NSD3: variants seen among roughly 807,000 people sequenced by gnomAD.
NSD3 encodes the protein nuclear receptor binding SET domain protein 3, also known as histone-lysine N-methyltransferase NSD3.
A neutral mutation model predicts 160.8 loss-of-function variants in NSD3; 24 were observed. The observed-to-expected ratio is 0.15, with a 90% CI of 0.11 to 0.21. NSD3 has a LOEUF of 0.21. NSD3 is among the 10% of genes least tolerant of loss of function. The probability of loss-of-function intolerance (pLI) is 1.00; values close to 1 mark genes in which losing one functional copy is unlikely to be tolerated. For synonymous variants in NSD3, 520 were observed against 600.0 expected, an observed-to-expected ratio of 0.87 and a Z score of 1.95; for missense variants, 1,157 against 1,735.9, an observed-to-expected ratio of 0.67 and a Z score of 5.93.
At position 38,326,870 on chromosome 8, in the gene NSD3, C is replaced by T. The variant is rs1376568583; in HGVS notation, c.1582-14G>A. The stretch of plus-strand genomic sequence containing the variant: ...GTTACCAATTCCCTTTAAAATAAGG[C>T]AAAAGAAAAAACAACAAAACAGGTG... On this transcript the variant is annotated splice_polypyrimidine_tract_variant and intron_variant, in intron 6 of 23. Transcript: ENST00000317025. 6.2e-7 allele frequency: 1 copy of T among 1,610,882 alleles called. No homozygotes were observed. Among genetic ancestry groups the T allele is most frequent in the African/African-American group, 1.3e-5 (1 of 74,580 alleles).
intron 16 of NSD3, 69 bp from the exon 17 acceptor site, chr8:38,290,746 G>T: frequency 6.5e-7 from 1 of 1,530,854 alleles, no homozygotes; most frequent in Non-Finnish European, 8.9e-7. Context: ...TACAAGATTG[G>T]CAGAAGGGAA....
chr8:38,304,723 G>A lies in NSD3; in HGVS notation c.2475C>T (p.Ala825=). ...RMMRCLRCPV[A]YHSGDACIAA... ...CAATGCAAGCATCTCCAGAGTGATA[G>A]GCAACTGGACATCTTAAACATCTCA... is the stretch of plus-strand genomic sequence containing the variant. Residue 825 remains alanine, a synonymous_variant, in exon 14 of 24, where the codon GCC becomes GCT. Coordinates refer to ENST00000317025, the MANE Select transcript of NSD3 (RefSeq NM_023034.2). 1 of 1,613,338 alleles carries A rather than the reference G, an allele frequency of 6.2e-7. No homozygotes were observed. Among genetic ancestry groups the A allele is most frequent in the Non-Finnish European group, 8.5e-7 (1 of 1,179,726 alleles).
chr8:38,337,859 A>T (rs907993359), intron 3 of NSD3, among the ~76,000 whole-genome samples: 1 of 152,262 alleles, frequency 6.6e-6, no homozygotes, highest in Non-Finnish European at 1.5e-5. Context: ...CTAACAATGT[A>T]AATTTATCTT....
intron 4 of NSD3, among the ~76,000 whole-genome samples, chr8:38,336,411 C>T (rs911809876): frequency 6.6e-6 from 1 of 152,156 alleles, no homozygotes; most frequent in African/African-American, 2.4e-5. Flanking sequence ...TATTAACATT[C>T]CTAAGGTAGG....
At chr8:38,285,186 C>G (rs1195178146) in intron 19 of NSD3, among the ~76,000 whole-genome samples, 3 of 151,992 alleles carry the variant, frequency 2.0e-5, no homozygotes, top group African/African-American at 7.3e-5. Flanking sequence ...AAATAGACCA[C>G]AGCAAAAAGG....
Position 38,329,718 on chromosome 8 carries a change from G to T in NSD3, c.1241C>A (p.Thr414Asn), listed in dbSNP as rs756108332. ...TGGTCGTCGGGTTTTTTTAACTTCG[G>T]TTTTGGAGGCAACACTCTTTTTTGC... is the stretch of plus-strand genomic sequence containing the variant. ...SQAKKSVASK[T>N]EVKKTRRPRS... Residue 414 changes from threonine (T) to asparagine (N), a missense_variant, in exon 6 of 24, where the codon ACC becomes AAC. Physicochemically the swap from Thr to Asn is moderately conservative, Grantham distance 65 (BLOSUM62 0). This residue lies in a region of NSD3 where 168 missense variants were observed against 208.1 expected (regional missense o/e 0.81). Coordinates refer to ENST00000317025, the MANE Select transcript of NSD3 (RefSeq NM_023034.2). This position sits in a 1 kb window ranked among gnomAD's most constrained non-coding sequence, Gnocchi z 4.8. The T allele has an allele frequency of 6.2e-7, 1 of 1,614,120 alleles. No individual in the cohort carries two copies. Among genetic ancestry groups the T allele is most frequent in the East Asian group, 2.2e-5 (1 of 44,886 alleles).
chr8:38,379,145 GATGGACAT>G (rs1336432000), intron 1 of NSD3, among the ~76,000 whole-genome samples: 1 of 151,970 alleles, frequency 6.6e-6, no homozygotes, highest in African/African-American at 2.4e-5. Context: ...CAGGTGGGCT[GATGGACAT>G]ATTAATTGGT....
At chr8:38,306,092 A>G (rs567958249) in intron 12 of NSD3, among the ~76,000 whole-genome samples, 29 of 152,260 alleles carry the variant, frequency 1.9e-4, no homozygotes, top group Non-Finnish European at 3.8e-4. Context: ...AGTGAAATCA[A>G]CATTCGCCAG....
At chr8:38,363,435 G>A (rs1811033553) in intron 1 of NSD3, among the ~76,000 whole-genome samples, 1 of 151,942 alleles carries the variant, frequency 6.6e-6, no homozygotes, top group Non-Finnish European at 1.5e-5. Context: ...TTGAGGTCAG[G>A]ACTTCGAGAG....
At chr8:38,299,722 A>C in intron 14 of NSD3, 132 bp from the exon 15 acceptor site, 1 of 847,692 alleles carries the variant, frequency 1.2e-6, no homozygotes, top group Non-Finnish European at 1.6e-6. Context: ...AATATGAAGA[A>C]AAAAGAAAGA....
rs552819551 is a variant in NSD3, at chr8:38,316,086, GTTTGT to G, written c.1856-49_1856-45del. The G allele has an allele frequency of 5.3e-4, 843 of 1,596,596 alleles. 2 individuals carry two copies. The Middle Eastern group carries it at 6.2e-3, about 12-fold the overall frequency. Reference sequence around the variant, plus strand: ...AATTAATCCTAAAATAGTACTTAAGGTTTGTTTTAATTTTTTTGTGTGTGGGAGAA... The same window carrying G: ...AATTAATCCTAAAATAGTACTTAAGGTTTAATTTTTTTGTGTGTGGGAGAA... On this transcript the variant is annotated intron_variant, in intron 9 of 23. Transcript: ENST00000317025. This position sits in a 1 kb window ranked among gnomAD's most constrained non-coding sequence, Gnocchi z 4.5.
intron 2 of NSD3, 142 bp downstream of exon 2, chr8:38,347,355 A>G: frequency 1.2e-6 from 1 of 832,178 alleles, no homozygotes; most frequent in East Asian, 2.6e-5. Flanking sequence ...AGCACCTATT[A>G]TAATATTCTG....
At chr8:38,289,592 C>G (rs1808951318) in intron 17 of NSD3, 87 bp from the exon 18 acceptor site, 1 of 1,190,612 alleles carries the variant, frequency 8.4e-7, no homozygotes, top group Non-Finnish European at 1.2e-6. Context: ...CTTCCCAATG[C>G]TTTGCATCTG....
chr8:38,309,024 A>C (rs866588341), intron 12 of NSD3, among the ~76,000 whole-genome samples: 1 of 150,744 alleles, frequency 6.6e-6, no homozygotes, highest in Non-Finnish European at 1.5e-5. Flanking sequence ...CAAGTCAGTC[A>C]GTGGCTAGGC....
intron 16 of NSD3, among the ~76,000 whole-genome samples, chr8:38,293,300 C>A (rs1809050896): frequency 6.6e-6 from 1 of 152,086 alleles, no homozygotes; most frequent in Non-Finnish European, 1.5e-5. Flanking sequence ...GCCTGTAATC[C>A]CAGCACTTTG....
Position 38,321,934 on chromosome 8 carries a change from T to C in NSD3, c.1709-762A>G, listed in dbSNP as rs142026842. 2.6e-4 allele frequency among the ~76,000 whole-genome samples: 40 copies of C among 152,306 alleles called. No individual in the cohort carries two copies. Among genetic ancestry groups the C allele is most frequent in the African/African-American group, 9.6e-4 (40 of 41,552 alleles). On this transcript the variant is annotated intron_variant, in intron 7 of 23. Coordinates refer to ENST00000317025, the MANE Select transcript of NSD3 (RefSeq NM_023034.2). The surrounding 1 kb of genome is among the most constrained non-coding windows in gnomAD (Gnocchi z 4.7). Reference sequence around the variant, plus strand: ...ATTTTTGGAAAGGATAAAACTGAAATTGAAGAACACAACTTGAAAGAACAT... The same window carrying C: ...ATTTTTGGAAAGGATAAAACTGAAACTGAAGAACACAACTTGAAAGAACAT...
At chr8:38,305,692 T>C (rs964392330) in intron 12 of NSD3, among the ~76,000 whole-genome samples, 5 of 152,170 alleles carry the variant, frequency 3.3e-5, no homozygotes, top group Non-Finnish European at 5.9e-5. Flanking sequence ...ACTGATTCCA[T>C]AGAAAAGCCA....
At chr8:38,340,513 T>A (rs1240994686) in intron 2 of NSD3, among the ~76,000 whole-genome samples, 1 of 152,104 alleles carries the variant, frequency 6.6e-6, no homozygotes, top group Non-Finnish European at 1.5e-5. Flanking sequence ...AATTTTTGTA[T>A]TTTTAGTAGA....
rs1809734945 is a variant in NSD3 at position 38,318,943 on chromosome 8, G to A, written c.1810-3C>T. ...GTAGCCTGAGGAACTGTTTCAACCT[G>A]TTTGGACAGAAAAATACAGCATTAA... is the stretch of plus-strand genomic sequence containing the variant. On this transcript the variant is annotated splice_polypyrimidine_tract_variant and splice_region_variant and intron_variant, in intron 8 of 23. Coordinates refer to ENST00000317025, the MANE Select transcript of NSD3 (RefSeq NM_023034.2). The surrounding 1 kb of genome is among the most constrained non-coding windows in gnomAD (Gnocchi z 5.3). 6.2e-7 allele frequency: 1 copy of A among 1,606,028 alleles called. No homozygotes were observed. Among genetic ancestry groups the A allele is most frequent in the East Asian group, 2.2e-5 (1 of 44,532 alleles).
Sources: allele counts gnomAD v4.1 joint callset (sites outside exome capture counted in the v4.1 genomes callset), GRCh38; gene constraint gnomAD v4.1.1; regional missense constraint gnomAD v4.1.1; non-coding constraint Gnocchi (gnomAD v3.1); transcripts MANE v1.5; gene names NCBI Gene and HGNC (gene_info 2026-07-23, HGNC 2026-07-21).